The following BCR variants were observed in gnomAD, a reference collection of about 807,000 sequenced individuals.
The protein encoded by BCR is breakpoint cluster region protein.
Under a neutral mutation model 138.6 loss-of-function variants are expected in BCR, and 58 were observed. That is an observed-to-expected ratio of 0.42 (90% CI 0.34 to 0.52). The LOEUF (loss-of-function observed/expected upper bound fraction) is 0.52, where lower values mean the gene tolerates loss of function less well. BCR is among the 20% of genes least tolerant of loss of function. The pLI, the probability that BCR is intolerant of heterozygous loss-of-function variation, is 0.06. For missense variants in BCR, 1,599 were observed against 1,727.2 expected (o/e 0.93, Z 1.32); for synonymous variants, 786 against 730.1 (o/e 1.08, Z -1.23).
At chr22:23,315,074 A>G (rs539024774) in intron 22 of BCR, among the ~76,000 whole-genome samples, 1 of 152,136 alleles carries the variant, frequency 6.6e-6, no homozygotes, top group Admixed American at 6.5e-5. Flanking sequence ...AAAAAGAAAA[A>G]TTAGCCAGGC....
At position 23,181,474 on chromosome 22, in the gene BCR, G is replaced by C. The variant is rs2072259324; in HGVS notation, c.514G>C (p.Ala172Pro). The change falls in exon 1 of 23, where the codon GCC (alanine) becomes CCC (proline). Residue 172 changes from alanine to proline, a missense_variant. Ala to Pro is a conservative substitution (Grantham distance 27). Coordinates refer to ENST00000305877, the MANE Select transcript of BCR (RefSeq NM_004327.4). ...RKGHGQPGAD[A>P]EKPFYVNVEF... ...GGGCCATGGCCAGCCCGGGGCGGAC[G>C]CCGAGAAGCCCTTCTACGTGAACGT... is the stretch of plus-strand genomic sequence containing the variant. 6.2e-7 allele frequency: 1 copy of C among 1,609,210 alleles called. No individual in the cohort carries two copies. The highest frequency in any genetic ancestry group is 1.7e-5 in the Admixed American group (1 of 59,890).
Position 23,273,143 on chromosome 22 carries a change from A to G in BCR, c.1974+10A>G. ...CACGCTGGTCCTCCATGTAAGTCAC[A>G]GCGCCCCTCTGGACCGGGACCAAAA... On this transcript the variant is annotated intron_variant, in intron 7 of 22. Transcript: ENST00000305877. 6.2e-7 allele frequency: 1 copy of G among 1,612,830 alleles called. No homozygotes were observed. The highest frequency in any genetic ancestry group is 8.5e-7 in the Non-Finnish European group (1 of 1,179,344).
intron 1 of BCR, among the ~76,000 whole-genome samples, chr22:23,215,066 A>G (rs985309817): frequency 6.6e-6 from 1 of 152,184 alleles, no homozygotes; most frequent in Admixed American, 6.5e-5. Context: ...GAGACCTCAT[A>G]TGAGTGGAGT....
intron 1 of BCR, among the ~76,000 whole-genome samples, chr22:23,231,552 T>TAAAATAAAATAAAA (rs1568945035): frequency 5.2e-5 from 3 of 57,580 alleles, no homozygotes; most frequent in East Asian, 8.0e-4. Flanking sequence ...ATAAAATAAA[T>TAAAATAAAATAAAA]AAAATACCAA....
intron 16 of BCR, among the ~76,000 whole-genome samples, chr22:23,301,739 G>C (rs1471061493): frequency 6.6e-6 from 1 of 152,190 alleles, no homozygotes; most frequent in Non-Finnish European, 1.5e-5. Context: ...CTGGGGAGAG[G>C]GGTCTTCTTG....
chr22:23,236,552 C>T (rs1316771591), intron 1 of BCR, among the ~76,000 whole-genome samples: 1 of 152,240 alleles, frequency 6.6e-6, no homozygotes, highest in East Asian at 1.9e-4. Flanking sequence ...CAGGGCAACG[C>T]ACACCTACTA....
intron 1 of BCR, among the ~76,000 whole-genome samples, chr22:23,208,053 C>T (rs1253980384): frequency 1.3e-5 from 2 of 152,198 alleles, no homozygotes; most frequent in East Asian, 1.9e-4. Context: ...CTCCTGTTGC[C>T]GAGCACCTGT....
intron 2 of BCR, among the ~76,000 whole-genome samples, chr22:23,254,934 G>A (rs1278571375): frequency 2.0e-5 from 3 of 152,174 alleles, no homozygotes; most frequent in Admixed American, 2.0e-4. Context: ...AGGCTGAGGT[G>A]GGAGAATTGC....
intron 1 of BCR, among the ~76,000 whole-genome samples, chr22:23,236,459 T>C (rs1392239459): frequency 6.6e-6 from 1 of 152,214 alleles, no homozygotes; most frequent in Non-Finnish European, 1.5e-5. Context: ...ACTCCAACTT[T>C]CTGAACATCC....
intron 1 of BCR, among the ~76,000 whole-genome samples, chr22:23,183,076 G>A (rs998155703): frequency 6.6e-6 from 1 of 152,192 alleles, no homozygotes; most frequent in African/African-American, 2.4e-5. Flanking sequence ...TGCTTATTTG[G>A]GGCTCCCAAT....
intron 14 of BCR, chr22:23,290,811 G>C (rs1484733944): frequency 4.3e-6 from 1 of 234,648 alleles, no homozygotes; most frequent in East Asian, 9.1e-5. Flanking sequence ...TGTCGAGCTG[G>C]ATGGATACTA....
intron 13 of BCR, chr22:23,289,995 G>A: frequency 4.0e-6 from 2 of 506,148 alleles, no homozygotes; most frequent in South Asian, 4.3e-5. Flanking sequence ...TGCATTCACT[G>A]TTGCACATAT....
At chr22:23,301,753 T>C (rs2073904358) in intron 16 of BCR, among the ~76,000 whole-genome samples, 1 of 152,218 alleles carries the variant, frequency 6.6e-6, no homozygotes, top group Non-Finnish European at 1.5e-5. Flanking sequence ...CTTCTTGTTC[T>C]TGGGGACCCC....
rs781269827 is a variant in BCR, at chr22:23,273,173, C to T, written c.1974+40C>T. On this transcript the variant is annotated intron_variant, in intron 7 of 22. Coordinates refer to ENST00000305877, the MANE Select transcript of BCR (RefSeq NM_004327.4). The stretch of plus-strand genomic sequence containing the variant: ...CCCTCTGGACCGGGACCAAAACTGC[C>T]CCCTCGGGCACACACAGCAACAATG... 27 of 1,598,654 alleles carry T rather than the reference C, an allele frequency of 1.7e-5. No homozygotes were observed. In the Admixed American group the frequency reaches 2.5e-4, roughly 15 times the overall value.
chr22:23,314,433 TTGCAGCACAGCCA>T, intron 21 of BCR, 106 bp from the exon 22 acceptor site: 1 of 1,197,880 alleles, frequency 8.3e-7, no homozygotes, highest in Non-Finnish European at 1.2e-6. Flanking sequence ...TGGAGTCAGC[TTGCAGCACAGCCA>T]GGGTCGAGGT....
intron 22 of BCR, among the ~76,000 whole-genome samples, 185 bp from the exon 23 acceptor site, chr22:23,315,248 C>A (rs569059100): frequency 4.0e-5 from 6 of 151,738 alleles, no homozygotes; most frequent in African/African-American, 1.5e-4. Context: ...AACCACCCCC[C>A]ACCCAACAAG....
At chr22:23,309,544 T>C in intron 17 of BCR, 61 bp downstream of exon 17, 1 of 1,487,926 alleles carries the variant, frequency 6.7e-7, no homozygotes, top group Non-Finnish European at 9.2e-7. Flanking sequence ...GTGGCCTCTG[T>C]TCATTTCAAA....
chr22:23,261,731 C>CTTT (rs370187627), intron 4 of BCR, 191 bp downstream of exon 4: 17 of 303,886 alleles, frequency 5.6e-5, no homozygotes, highest in South Asian at 1.4e-4. Context: ...CATGCCCAGC[C>CTTT]TTTTTTTTTT....
chr22:23,252,624 G>GT (rs131671), intron 1 of BCR, among the ~76,000 whole-genome samples: 151,731 of 151,750 alleles, frequency 1, 75,856 homozygotes, highest in Middle Eastern at 1. Context: ...TAGAGATGGG[G>GT]TTCACCATAT....
Sources: gnomAD v4.1 joint callset for allele counts (sites outside exome capture counted in the v4.1 genomes callset) on GRCh38, gnomAD v4.1.1 for gene constraint, MANE v1.5 for transcripts, NCBI Gene and HGNC (gene_info 2026-07-23, HGNC 2026-07-21) for gene names.